The following GALNT10 variants were observed in gnomAD, a reference collection of about 807,000 sequenced individuals.
GALNT10 encodes the protein polypeptide N-acetylgalactosaminyltransferase 10, also known as GalNAc transferase 10.
Under a neutral mutation model 75.0 loss-of-function variants are expected in GALNT10, and 41 were observed. That is an observed-to-expected ratio of 0.55 (90% CI 0.43 to 0.71). GALNT10 has a LOEUF of 0.71. Ranked by LOEUF, GALNT10 falls within the 30% of genes least tolerant of loss-of-function variation. The pLI, the probability that GALNT10 is intolerant of heterozygous loss-of-function variation, is 0.00. For missense variants in GALNT10, 727 were observed against 818.5 expected, an observed-to-expected ratio of 0.89 and a Z score of 1.36; for synonymous variants, 302 against 313.0, an observed-to-expected ratio of 0.96 and a Z score of 0.37.
At chr5:154,195,718 A>G (rs1406841567) in intron 1 of GALNT10, among the ~76,000 whole-genome samples, 2 of 152,126 alleles carry the variant, frequency 1.3e-5, no homozygotes, top group Admixed American at 6.5e-5. Flanking sequence ...TTCTTGTTCT[A>G]TTTCACCATG....
At chr5:154,396,654 TC>T (rs1426043970) in intron 7 of GALNT10, among the ~76,000 whole-genome samples, 3 of 152,174 alleles carry the variant, frequency 2.0e-5, no homozygotes, top group African/African-American at 7.2e-5. Flanking sequence ...TGATCATGCC[TC>T]CCTCGCTGGG....
In GALNT10 at chr5:154,208,035, G is replaced by A. The variant is rs536158218; in HGVS notation, c.159+17010G>A. The stretch of plus-strand genomic sequence containing the variant: ...CAGAGGTGCTCCCAGGACAGCTCTC[G>A]AGGGGCCAGGGCACTCCAGGCACAG... On this transcript the variant is annotated intron_variant, in intron 1 of 11. Transcript: ENST00000297107. Among the ~76,000 whole-genome samples, 8 of 152,258 alleles carry A rather than the reference G, an allele frequency of 5.3e-5. No individual in the cohort carries two copies. The South Asian group carries it at 6.2e-4, about 12-fold the overall frequency.
intron 4 of GALNT10, among the ~76,000 whole-genome samples, chr5:154,364,817 C>T (rs756293055): frequency 6.6e-6 from 1 of 152,102 alleles, no homozygotes; most frequent in Non-Finnish European, 1.5e-5. Context: ...ACTGGAATTG[C>T]CCATGAATCT....
chr5:154,230,594 G>A (rs537568475), intron 1 of GALNT10, among the ~76,000 whole-genome samples: 2 of 152,330 alleles, frequency 1.3e-5, no homozygotes, highest in South Asian at 4.1e-4. Flanking sequence ...TAGGTCTGAT[G>A]GGACTAGAGA....
chr5:154,251,533 C>A (rs1276165788), intron 1 of GALNT10, among the ~76,000 whole-genome samples: 1 of 152,156 alleles, frequency 6.6e-6, no homozygotes, highest in Non-Finnish European at 1.5e-5. Flanking sequence ...CTGGCATTGA[C>A]CCCTCTGGCA....
intron 4 of GALNT10, chr5:154,347,114 G>A (rs1019817742): frequency 7.8e-6 from 4 of 510,958 alleles, no homozygotes; most frequent in African/African-American, 2.0e-5. Context: ...AACACCTAAT[G>A]TGTGCCAAGA....
intron 1 of GALNT10, among the ~76,000 whole-genome samples, chr5:154,200,295 G>A (rs1349787891): frequency 6.6e-6 from 1 of 152,214 alleles, no homozygotes; most frequent in Non-Finnish European, 1.5e-5. Context: ...AGTTCGCCAG[G>A]GTTCTGTGTG....
chr5:154,221,255 T>C (rs1398863246), intron 1 of GALNT10, among the ~76,000 whole-genome samples: 1 of 152,244 alleles, frequency 6.6e-6, no homozygotes, highest in Non-Finnish European at 1.5e-5. Flanking sequence ...GTCCCTCGGC[T>C]GCTCCACTGA....
chr5:154,380,635 A>AT lies in GALNT10; in HGVS notation c.938+4_938+5insT. 1 of 1,606,290 alleles carries AT rather than the reference A, an allele frequency of 6.2e-7. No individual in the cohort carries two copies. Among genetic ancestry groups the AT allele is most frequent in the Non-Finnish European group, 8.5e-7 (1 of 1,173,898 alleles). ...CTGACCCCAGCGACCCATTTGAGTA[A>AT]GTATGAACAACCCTGGCTGGTCCCA... is the stretch of plus-strand genomic sequence containing the variant. On this transcript the variant is annotated splice_donor_region_variant and intron_variant, in intron 6 of 11. Transcript: ENST00000297107.
At chr5:154,218,131 G>A (rs548904516) in intron 1 of GALNT10, 100 of 985,268 alleles carry the variant, frequency 1.0e-4, no homozygotes, top group East Asian at 5.7e-4. Flanking sequence ...CTCTGCCTTC[G>A]TGGAGTGGGC....
At chr5:154,245,881 A>C (rs1238232429) in intron 1 of GALNT10, among the ~76,000 whole-genome samples, 64 of 150,544 alleles carry the variant, frequency 4.3e-4, no homozygotes, top group Admixed American at 1.5e-3. Flanking sequence ...ATATATATAC[A>C]TGTGCCATGT....
chr5:154,293,072 G>T (rs1329831767), intron 1 of GALNT10, among the ~76,000 whole-genome samples: 2 of 152,148 alleles, frequency 1.3e-5, no homozygotes, highest in Non-Finnish European at 2.9e-5. Context: ...AGAATACAAA[G>T]GATTGTTATT....
chr5:154,294,997 TGTG>T, intron 2 of GALNT10, 79 bp downstream of exon 2: 1 of 726,794 alleles, frequency 1.4e-6, no homozygotes. Context: ...TGTGTGTGTG[TGTG>T]TGTGTGTGTT....
At chr5:154,250,006 C>T (rs896811996) in intron 1 of GALNT10, among the ~76,000 whole-genome samples, 2 of 152,206 alleles carry the variant, frequency 1.3e-5, no homozygotes, top group African/African-American at 4.8e-5. Context: ...ATGGAGATTA[C>T]ATGGAAATCA....
intron 1 of GALNT10, among the ~76,000 whole-genome samples, chr5:154,246,737 C>T (rs1051671804): frequency 6.6e-6 from 1 of 151,982 alleles, no homozygotes; most frequent in South Asian, 2.1e-4. Context: ...AGATTGCAAA[C>T]ATTTTCTCCC....
intron 1 of GALNT10, among the ~76,000 whole-genome samples, chr5:154,287,247 C>T (rs889702692): frequency 6.6e-6 from 1 of 152,186 alleles, no homozygotes; most frequent in African/African-American, 2.4e-5. Context: ...AATGTAAGGC[C>T]CTCCAATTCT....
chr5:154,319,929 A>G (rs1398718506), intron 3 of GALNT10, among the ~76,000 whole-genome samples: 4 of 152,156 alleles, frequency 2.6e-5, no homozygotes, highest in African/African-American at 9.7e-5. Context: ...TGTGATCTGC[A>G]GCCTAATAAG....
chr5:154,391,464 CTCTG>C (rs1270433131), intron 7 of GALNT10, among the ~76,000 whole-genome samples: 17 of 152,348 alleles, frequency 1.1e-4, no homozygotes, highest in African/African-American at 4.1e-4. Context: ...CTCCCTCCTT[CTCTG>C]TCTGTCTCTC....
chr5:154,261,254 GT>G (rs1449185430), intron 1 of GALNT10, among the ~76,000 whole-genome samples: 2 of 146,272 alleles, frequency 1.4e-5, no homozygotes, highest in Non-Finnish European at 3.0e-5. Context: ...TCATAAGTAG[GT>G]TTAAGCTAAA....
Sources: allele counts gnomAD v4.1 joint callset (sites outside exome capture counted in the v4.1 genomes callset), GRCh38; gene constraint gnomAD v4.1.1; transcripts MANE v1.5; gene names NCBI Gene and HGNC (gene_info 2026-07-23, HGNC 2026-07-21).